Variants in LHFPL6 observed in about 807,000 individuals in gnomAD.
LHFPL6 encodes LHFPL tetraspan subfamily member 6 protein.
LHFPL6 carries 9 observed loss-of-function variants against 20.6 expected under a neutral mutation model. The observed-to-expected ratio is 0.44, with a 90% CI of 0.26 to 0.76. The LOEUF is 0.76. Among genes scored for constraint, LHFPL6 ranks in the 30% least tolerant of loss-of-function variants. The probability of loss-of-function intolerance (pLI) is 0.20; values close to 1 mark genes in which losing one functional copy is unlikely to be tolerated. For synonymous variants in LHFPL6, 105 were observed against 98.7 expected (o/e 1.06, Z -0.38); for missense variants, 218 against 253.5 (o/e 0.86, Z 0.95).
At chr13:39,345,475 T>C (rs368368020) in intron 3 of LHFPL6, among the ~76,000 whole-genome samples, 93 of 124,784 alleles carry the variant, frequency 7.5e-4, no homozygotes, top group African/African-American at 2.8e-3. Context: ...ATCACACCAC[T>C]GAACTCCAGC....
intron 2 of LHFPL6, among the ~76,000 whole-genome samples, chr13:39,437,932 A>C (rs1417362599): frequency 6.6e-6 from 1 of 152,124 alleles, no homozygotes; most frequent in East Asian, 1.9e-4. Context: ...AATAATATAA[A>C]AGTTTGTACC....
At chr13:39,554,246 A>G (rs1273235848) in intron 2 of LHFPL6, among the ~76,000 whole-genome samples, 1 of 150,778 alleles carries the variant, frequency 6.6e-6, no homozygotes, top group African/African-American at 2.4e-5. Context: ...AAAGTTATCT[A>G]CCAGTCTCCA....
At position 39,562,541 on chromosome 13, in the gene LHFPL6, C is replaced by CAT. The variant is rs1175918257; in HGVS notation, c.385+38289_385+38290dup. On this transcript the variant is annotated intron_variant, in intron 2 of 3. Transcript: ENST00000379589. ...ATATACACATATACACATATATACACATATACATATATACACATACATATA... is the reference window on the plus strand; with the variant it reads ...ATATACACATATACACATATATACACATATATACATATATACACATACATATA... Among the ~76,000 whole-genome samples, 202 of 127,398 alleles carry CAT rather than the reference C, an allele frequency of 1.6e-3. 2 individuals carry two copies. Among genetic ancestry groups the CAT allele is most frequent in the Non-Finnish European group, 2.5e-3 (143 of 56,198 alleles). The allele number at this position is 127,398 out of a possible 152,430, so 83.6% of individuals were successfully genotyped here. A position where few individuals can be genotyped will look rare whatever the true frequency, so the allele number is the denominator to read the frequency against.
At chr13:39,378,198 G>A (rs1054457324) in intron 3 of LHFPL6, among the ~76,000 whole-genome samples, 2 of 152,028 alleles carry the variant, frequency 1.3e-5, no homozygotes, top group Non-Finnish European at 2.9e-5. Context: ...TCGGGGCAGG[G>A]GCCATTTCTT....
At chr13:39,439,693 C>T (rs1872060474) in intron 2 of LHFPL6, among the ~76,000 whole-genome samples, 1 of 152,102 alleles carries the variant, frequency 6.6e-6, no homozygotes, top group South Asian at 2.1e-4. Context: ...TGGTGCTGTT[C>T]TCATGATAGT....
At chr13:39,465,679 C>T (rs1872786321) in intron 2 of LHFPL6, among the ~76,000 whole-genome samples, 1 of 152,034 alleles carries the variant, frequency 6.6e-6, no homozygotes, top group South Asian at 2.1e-4. Context: ...TTGAAACGTT[C>T]ATCTGTAGGA....
At chr13:39,381,671 C>T (rs1870439167) in intron 2 of LHFPL6, among the ~76,000 whole-genome samples, 1 of 151,954 alleles carries the variant, frequency 6.6e-6, no homozygotes, top group Non-Finnish European at 1.5e-5. Context: ...CCAAGATGGC[C>T]ATCAGAATGT....
intron 3 of LHFPL6, among the ~76,000 whole-genome samples, chr13:39,359,299 C>T (rs1869815646): frequency 6.6e-6 from 1 of 152,186 alleles, no homozygotes; most frequent in Non-Finnish European, 1.5e-5. Context: ...AAGAGTTGAA[C>T]TACCATTCAA....
At chr13:39,599,146 T>C (rs1224762290) in intron 2 of LHFPL6, among the ~76,000 whole-genome samples, 2 of 152,284 alleles carry the variant, frequency 1.3e-5, no homozygotes, top group East Asian at 3.9e-4. Context: ...AAAACTGATT[T>C]CTCTTTGTAA....
chr13:39,534,514 A>G (rs541753460), intron 2 of LHFPL6, among the ~76,000 whole-genome samples: 30 of 152,356 alleles, frequency 2.0e-4, no homozygotes, highest in South Asian at 1.7e-3. Context: ...GTAAGTGTTA[A>G]TATTCCCAAA....
intron 3 of LHFPL6, among the ~76,000 whole-genome samples, chr13:39,371,163 C>A (rs919684130): frequency 1.7e-4 from 26 of 152,116 alleles, no homozygotes; most frequent in African/African-American, 5.8e-4. Flanking sequence ...CTTAAGAAGC[C>A]ACCAGCATAA....
chr13:39,486,155 T>C (rs1450943900), intron 2 of LHFPL6, among the ~76,000 whole-genome samples: 2 of 152,142 alleles, frequency 1.3e-5, no homozygotes, highest in African/African-American at 4.8e-5. Context: ...TCTTTCTTAG[T>C]AAGACTGTAA....
chr13:39,537,923 G>A (rs1370262068), intron 2 of LHFPL6, among the ~76,000 whole-genome samples: 4 of 151,952 alleles, frequency 2.6e-5, no homozygotes, highest in African/African-American at 4.8e-5. Context: ...TCAACGTCAG[G>A]TGGCTAGTTC....
chr13:39,367,489 C>T (rs1870043021), intron 3 of LHFPL6, among the ~76,000 whole-genome samples: 1 of 152,064 alleles, frequency 6.6e-6, no homozygotes, highest in Non-Finnish European at 1.5e-5. Flanking sequence ...GTATAATATC[C>T]CTTAACAAAT....
chr13:39,464,847 A>G (rs1277901361), intron 2 of LHFPL6, among the ~76,000 whole-genome samples: 1 of 152,268 alleles, frequency 6.6e-6, no homozygotes, highest in East Asian at 1.9e-4. Flanking sequence ...AATGGGGGAA[A>G]ATATGGCCTT....
chr13:39,510,041 C>CA lies in LHFPL6; in HGVS notation c.385+90790dup, dbSNP rs1228922043. 5.9e-5 allele frequency among the ~76,000 whole-genome samples: 9 copies of CA among 152,338 alleles called. No homozygotes were observed. In the East Asian group the frequency reaches 1.7e-3, roughly 29 times the overall value. On this transcript the variant is annotated intron_variant, in intron 2 of 3. Coordinates refer to ENST00000379589, the MANE Select transcript of LHFPL6 (RefSeq NM_005780.3). ...TAAAATAGGCTCTAAGACAGAAACTCACGGTGCTCAAAGAGAATCCTGCAG... is the reference window on the plus strand; with the variant it reads ...TAAAATAGGCTCTAAGACAGAAACTCAACGGTGCTCAAAGAGAATCCTGCAG...
intron 2 of LHFPL6, among the ~76,000 whole-genome samples, chr13:39,423,110 T>C (rs1369678375): frequency 6.6e-6 from 1 of 152,078 alleles, no homozygotes; most frequent in East Asian, 1.9e-4. Flanking sequence ...CAAGATGAGA[T>C]TGGGGTGGGG....
chr13:39,494,227 T>A (rs983329961), intron 2 of LHFPL6, among the ~76,000 whole-genome samples: 1 of 152,246 alleles, frequency 6.6e-6, no homozygotes, highest in Non-Finnish European at 1.5e-5. Flanking sequence ...TGGCCTCAAA[T>A]GCCATCATTA....
chr13:39,517,787 C>G (rs550563742), intron 2 of LHFPL6, among the ~76,000 whole-genome samples: 2 of 152,296 alleles, frequency 1.3e-5, no homozygotes, highest in African/African-American at 4.8e-5. Context: ...CTCAGCCTCC[C>G]ATGGCACTGG....
Sources: gnomAD v4.1 joint callset for allele counts (sites outside exome capture counted in the v4.1 genomes callset) on GRCh38, gnomAD v4.1.1 for gene constraint, MANE v1.5 for transcripts, NCBI Gene and HGNC (gene_info 2026-07-23, HGNC 2026-07-21) for gene names.